The following RPS6KC1 variants were observed in gnomAD, a reference collection of about 807,000 sequenced individuals.
RPS6KC1 encodes ribosomal protein S6 kinase C1.
Under a neutral mutation model 103.8 loss-of-function variants are expected in RPS6KC1, and 54 were observed. The observed-to-expected ratio is 0.52, with a 90% CI of 0.42 to 0.65. The LOEUF (loss-of-function observed/expected upper bound fraction) is 0.65. Ranked by LOEUF, RPS6KC1 falls within the 30% of genes least tolerant of loss-of-function variation. The pLI, the probability that RPS6KC1 is intolerant of heterozygous loss-of-function variation, is 0.00. For synonymous variants in RPS6KC1, 439 were observed against 438.7 expected, an observed-to-expected ratio of 1.00 and a Z score of -0.01; for missense variants, 1,151 against 1,253.8, an observed-to-expected ratio of 0.92 and a Z score of 1.24.
At chr1:213,419,802 G>C in the RPS6KC1 span, among the ~76,000 whole-genome samples, 1 of 152,180 alleles carries the variant, frequency 6.6e-6, no homozygotes. Flanking sequence ...CATGTGTCAG[G>C]GTCTGTGGCT....
the RPS6KC1 span, among the ~76,000 whole-genome samples, chr1:213,597,756 C>T: frequency 6.6e-6 from 1 of 152,144 alleles, no homozygotes; most frequent in African/African-American, 2.4e-5. Flanking sequence ...ACCAAGAAAC[C>T]CAGAGCTGCT....
At chr1:213,301,653 T>C in the RPS6KC1 span, among the ~76,000 whole-genome samples, 2 of 152,132 alleles carry the variant, frequency 1.3e-5, no homozygotes, top group Non-Finnish European at 2.9e-5. Context: ...GAGCTATGAT[T>C]GCACCACTGC....
chr1:213,636,426 C>A, the RPS6KC1 span, among the ~76,000 whole-genome samples: 4 of 152,078 alleles, frequency 2.6e-5, no homozygotes, highest in African/African-American at 9.7e-5. Flanking sequence ...ATATATAGAC[C>A]AATGGATCAG....
chr1:213,052,775 C>T (rs2077055326), intron 1 of RPS6KC1, among the ~76,000 whole-genome samples: 1 of 152,092 alleles, frequency 6.6e-6, no homozygotes, highest in Non-Finnish European at 1.5e-5. Flanking sequence ...GTCCTGACCT[C>T]AGTTGATCCG....
chr1:213,548,907 A>G, the RPS6KC1 span, among the ~76,000 whole-genome samples: 2 of 152,234 alleles, frequency 1.3e-5, no homozygotes, highest in Non-Finnish European at 1.5e-5. Context: ...AAGAATTGTA[A>G]GTTAAAGTTA....
chr1:213,702,851 T>TTTTTTTTTTG, the RPS6KC1 span, among the ~76,000 whole-genome samples: 1 of 151,232 alleles, frequency 6.6e-6, no homozygotes, highest in African/African-American at 2.4e-5. Flanking sequence ...TTGAGGTTTT[T>TTTTTTTTTTG]TTTGTTTGTT....
rs377159610 is a variant in RPS6KC1 at position 213,150,322 on chromosome 1, A to T, written c.836-17536A>T. On this transcript the variant is annotated intron_variant, in intron 6 of 14. Coordinates refer to ENST00000366960, the MANE Select transcript of RPS6KC1 (RefSeq NM_012424.6). Reference sequence around the variant, plus strand: ...TATTTATTTATTTATTTATTTATTTATTTATTTTTTATTGATAATTCTTGG... The same window carrying T: ...TATTTATTTATTTATTTATTTATTTTTTTATTTTTTATTGATAATTCTTGG... 2.2e-4 allele frequency among the ~76,000 whole-genome samples: 16 copies of T among 72,590 alleles called. No individual in the cohort carries two copies. The South Asian group carries it at 2.5e-3, about 11-fold the overall frequency. The allele number at this position is 72,590 out of a possible 152,430, so 47.6% of individuals were successfully genotyped here.
chr1:213,480,745 C>T, the RPS6KC1 span, among the ~76,000 whole-genome samples: 1 of 152,042 alleles, frequency 6.6e-6, no homozygotes, highest in African/African-American at 2.4e-5. Flanking sequence ...TCCTACTATT[C>T]CATATTATAC....
At chr1:213,439,143 A>C in the RPS6KC1 span, among the ~76,000 whole-genome samples, 1 of 152,114 alleles carries the variant, frequency 6.6e-6, no homozygotes, top group Non-Finnish European at 1.5e-5. Flanking sequence ...CTGAATTCCA[A>C]CTTTTGTATT....
the RPS6KC1 span, among the ~76,000 whole-genome samples, chr1:213,453,738 T>A: frequency 6.6e-6 from 1 of 152,182 alleles, no homozygotes; most frequent in Admixed American, 6.5e-5. Context: ...TACAGGTAAG[T>A]AACTGAAGGA....
the RPS6KC1 span, among the ~76,000 whole-genome samples, chr1:213,748,846 AAC>A: frequency 6.6e-6 from 1 of 152,200 alleles, no homozygotes; most frequent in African/African-American, 2.4e-5. Context: ...CCTTCTGACT[AAC>A]ATGTTTACTG....
chr1:213,767,627 T>C, the RPS6KC1 span, among the ~76,000 whole-genome samples: 4 of 152,172 alleles, frequency 2.6e-5, no homozygotes, highest in African/African-American at 9.7e-5. Flanking sequence ...AGGGCCCTGT[T>C]CTAAGGGAGC....
At chr1:213,159,229 G>C (rs2090217901) in intron 6 of RPS6KC1, among the ~76,000 whole-genome samples, 1 of 152,120 alleles carries the variant, frequency 6.6e-6, no homozygotes, top group Non-Finnish European at 1.5e-5. Context: ...AGAAAGTCTG[G>C]ACGAGTAGTT....
the RPS6KC1 span, among the ~76,000 whole-genome samples, chr1:213,385,196 G>A: frequency 1.3e-5 from 2 of 152,220 alleles, no homozygotes; most frequent in East Asian, 3.8e-4. Flanking sequence ...GGTGGTGTCC[G>A]GGCCCTTTAG....
At chr1:213,057,857 G>C (rs2077476017) in intron 1 of RPS6KC1, among the ~76,000 whole-genome samples, 1 of 139,416 alleles carries the variant, frequency 7.2e-6, no homozygotes, top group Admixed American at 7.9e-5. Flanking sequence ...TTGACCTCCT[G>C]AGCTCAAGCA....
the RPS6KC1 span, among the ~76,000 whole-genome samples, chr1:213,303,819 A>G: frequency 6.6e-6 from 1 of 152,188 alleles, no homozygotes; most frequent in Non-Finnish European, 1.5e-5. Flanking sequence ...TATTAATAAT[A>G]TATCAACTGA....
chr1:213,462,332 T>C, the RPS6KC1 span, among the ~76,000 whole-genome samples: 2 of 152,290 alleles, frequency 1.3e-5, no homozygotes, highest in South Asian at 4.1e-4. Context: ...AGTTCAACCA[T>C]TGTGGAAGAC....
At chr1:213,549,760 G>A in the RPS6KC1 span, among the ~76,000 whole-genome samples, 2 of 151,570 alleles carry the variant, frequency 1.3e-5, no homozygotes, top group African/African-American at 4.9e-5. Flanking sequence ...CTAAACCTCA[G>A]TTTTCTCACC....
chr1:213,153,518 TTC>T (rs1363354702), intron 6 of RPS6KC1, among the ~76,000 whole-genome samples: 1 of 152,214 alleles, frequency 6.6e-6, no homozygotes, highest in African/African-American at 2.4e-5. Flanking sequence ...ATTTTGTTGT[TTC>T]TGTCTTATTG....
Sources: gnomAD v4.1 joint callset for allele counts (sites outside exome capture counted in the v4.1 genomes callset) on GRCh38, gnomAD v4.1.1 for gene constraint, MANE v1.5 for transcripts, NCBI Gene and HGNC (gene_info 2026-07-23, HGNC 2026-07-21) for gene names.